The following PCDHA7 variants were observed in gnomAD, a reference collection of about 807,000 sequenced individuals.
The protein encoded by PCDHA7 is protocadherin alpha-7.
In PCDHA7, 37 loss-of-function variants were observed where a neutral mutation model predicts 57.2. The observed-to-expected ratio is 0.65, with a 90% confidence interval of 0.50 to 0.85. The LOEUF (loss-of-function observed/expected upper bound fraction) is 0.85, where lower values mean the gene tolerates loss of function less well. Ranked by LOEUF, PCDHA7 falls within the 40% of genes least tolerant of loss-of-function variation. The pLI, the probability that PCDHA7 is intolerant of heterozygous loss-of-function variation, is 0.00. For synonymous variants in PCDHA7, 553 were observed against 558.8 expected (o/e 0.99, Z 0.15); for missense variants, 1,188 against 1,241.8 (o/e 0.96, Z 0.65).
intron 1 of PCDHA7, chr5:140,927,524 C>G (rs781824669): frequency 1.2e-6 from 2 of 1,614,104 alleles, no homozygotes; most frequent in Admixed American, 1.7e-5. Flanking sequence ...GGCGGGCTAC[C>G]TGCCCGCTCA....
chr5:140,967,898 G>A (rs751530394), intron 1 of PCDHA7: 9 of 1,614,046 alleles, frequency 5.6e-6, no homozygotes, highest in Non-Finnish European at 7.6e-6. Context: ...GCCTGAGAAT[G>A]CTACACCCAA....
chr5:140,841,694 G>C, intron 1 of PCDHA7: 1 of 1,613,934 alleles, frequency 6.2e-7, no homozygotes. Context: ...GGAGGTGAAG[G>C]ATGTTAATGA....
rs2150256592 is a variant in PCDHA7 at position 140,836,276 on chromosome 5, C to T, written c.1893C>T (p.Ile631=). Residue 631 remains isoleucine, a synonymous_variant, in exon 1 of 4, where the codon ATC becomes ATT. Coordinates refer to ENST00000525929, the MANE Select transcript of PCDHA7 (RefSeq NM_018910.3). ...PFRVGLYTGE[I]STTRALDETD... The stretch of plus-strand genomic sequence containing the variant: ...GCGTGGGGCTGTACACTGGTGAGAT[C>T]AGCACGACACGAGCCCTAGATGAGA... 3 of 1,613,790 alleles carry T rather than the reference C, an allele frequency of 1.9e-6. No homozygotes were observed. Among genetic ancestry groups the T allele is most frequent in the East Asian group, 2.2e-5 (1 of 44,864 alleles).
At chr5:140,882,087 C>A in intron 1 of PCDHA7, 2 of 1,081,718 alleles carry the variant, frequency 1.8e-6, no homozygotes, top group Non-Finnish European at 2.6e-6. Flanking sequence ...TCGCTCTTCA[C>A]TGAGAACGTT....
intron 1 of PCDHA7, chr5:140,869,202 C>T (rs2050919461): frequency 3.1e-6 from 5 of 1,613,890 alleles, no homozygotes; most frequent in African/African-American, 2.7e-5. Flanking sequence ...AGCTCCACTA[C>T]TCCGTCTCGG....
At chr5:141,002,550 G>A (rs1458455103) in intron 3 of PCDHA7, among the ~76,000 whole-genome samples, 1 of 152,186 alleles carries the variant, frequency 6.6e-6, no homozygotes, top group African/African-American at 2.4e-5. Context: ...TGAGTCCCAG[G>A]ATCCACCAGT....
At position 140,968,680 on chromosome 5, in the gene PCDHA7, C is replaced by T. The variant is rs546565550; in HGVS notation, c.2356-10269C>T. 10 of 1,614,154 alleles carry T rather than the reference C, an allele frequency of 6.2e-6. No homozygotes were observed. The South Asian group carries it at 6.6e-5, about 11-fold the overall frequency. ...TGGACCTCTTTAAGGTAGAGCTGCA[C>T]ACAGGAGAAATTAGGACTACCAGGA... On this transcript the variant is annotated intron_variant, in intron 1 of 3. Coordinates refer to ENST00000525929, the MANE Select transcript of PCDHA7 (RefSeq NM_018910.3).
chr5:140,849,601 T>G lies in PCDHA7; in HGVS notation c.2355+12863T>G, dbSNP rs2150442110. ...GAGGACGCACAACTGGGGACAGTTA[T>G]TGCCCTGATTAGTGTGATCGACCTA... is the stretch of plus-strand genomic sequence containing the variant. On this transcript the variant is annotated intron_variant, in intron 1 of 3. Transcript: ENST00000525929. The G allele has an allele frequency of 3.9e-5, 63 of 1,598,652 alleles. 7 individuals carry two copies. The highest frequency in any genetic ancestry group is 2.7e-4 in the South Asian group (24 of 90,564).
At chr5:140,994,474 G>A (rs545568699) in intron 3 of PCDHA7, among the ~76,000 whole-genome samples, 27 of 152,078 alleles carry the variant, frequency 1.8e-4, no homozygotes, top group Non-Finnish European at 2.9e-4. Flanking sequence ...AGGCTGAGGC[G>A]GGTGGATTGC....
chr5:140,850,016 C>A, intron 1 of PCDHA7: 1 of 1,596,912 alleles, frequency 6.3e-7, no homozygotes. Context: ...TGTCGAGCTA[C>A]GTGTCAGTGC....
chr5:140,913,447 C>T (rs1445715185), intron 1 of PCDHA7, among the ~76,000 whole-genome samples: 5 of 152,022 alleles, frequency 3.3e-5, no homozygotes, highest in African/African-American at 9.7e-5. Context: ...TTTTCAGCTC[C>T]GATTTTATTT....
chr5:140,838,276 G>A (rs1775636569), intron 1 of PCDHA7, among the ~76,000 whole-genome samples: 1 of 88,868 alleles, frequency 1.1e-5, no homozygotes, highest in South Asian at 3.7e-4. Flanking sequence ...ACCAAGCCAT[G>A]CTAATTTTTT....
intron 1 of PCDHA7, chr5:140,877,037 C>G: frequency 6.2e-7 from 1 of 1,612,492 alleles, no homozygotes; most frequent in Non-Finnish European, 8.5e-7. Flanking sequence ...GCGCTGCAGC[C>G]GCTAGACCAC....
At chr5:140,997,399 C>T (rs1453624678) in intron 3 of PCDHA7, among the ~76,000 whole-genome samples, 1 of 152,118 alleles carries the variant, frequency 6.6e-6, no homozygotes, top group Non-Finnish European at 1.5e-5. Flanking sequence ...TAGGCTCTAT[C>T]GTATGGCCTA....
chr5:140,905,047 C>A (rs2071568223), intron 1 of PCDHA7, among the ~76,000 whole-genome samples: 1 of 152,076 alleles, frequency 6.6e-6, no homozygotes, highest in Non-Finnish European at 1.5e-5. Context: ...TTAATTAGGT[C>A]CCATTTATTT....
chr5:140,843,269 CTGGTG>C, intron 1 of PCDHA7: 1 of 1,596,112 alleles, frequency 6.3e-7, no homozygotes, highest in East Asian at 2.2e-5. Flanking sequence ...TCTGCTGGTC[CTGGTG>C]AAGGATCATG....
intron 1 of PCDHA7, chr5:140,848,211 A>T: frequency 2.8e-6 from 1 of 353,668 alleles, no homozygotes; most frequent in Non-Finnish European, 5.1e-6. Flanking sequence ...TCATTACTTA[A>T]GAAAAAATTA....
chr5:141,006,789 CT>C (rs2098288759), intron 3 of PCDHA7, among the ~76,000 whole-genome samples: 2 of 152,026 alleles, frequency 1.3e-5, no homozygotes, highest in Admixed American at 6.5e-5. Flanking sequence ...GAATAATTAG[CT>C]TTGAACTTTC....
intron 3 of PCDHA7, among the ~76,000 whole-genome samples, chr5:140,991,929 C>T (rs1250639930): frequency 1.3e-5 from 2 of 152,088 alleles, no homozygotes; most frequent in South Asian, 2.1e-4. Flanking sequence ...ATAACATATT[C>T]ACAAGTTCTA....
Sources: gnomAD v4.1 joint callset for allele counts (sites outside exome capture counted in the v4.1 genomes callset) on GRCh38, gnomAD v4.1.1 for gene constraint, MANE v1.5 for transcripts, NCBI Gene and HGNC (gene_info 2026-07-23, HGNC 2026-07-21) for gene names.